Variants in SYNRG observed in about 807,000 individuals in gnomAD.
SYNRG encodes synergin gamma, also known as AP1 gamma subunit binding protein 1.
SYNRG carries 37 observed loss-of-function variants against 130.9 expected under a neutral mutation model. The ratio of observed to expected loss-of-function variants is 0.28; its 90% CI spans 0.22 to 0.37. The LOEUF is 0.37. Among genes scored for constraint, SYNRG ranks in the 10% least tolerant of loss-of-function variants. The pLI, the probability that SYNRG is intolerant of heterozygous loss-of-function variation, is 1.00. For synonymous variants in SYNRG, 539 were observed against 568.1 expected, an observed-to-expected ratio of 0.95 and a Z score of 0.73; for missense variants, 1,338 against 1,588.9, an observed-to-expected ratio of 0.84 and a Z score of 2.68.
At chr17:37,557,962 A>G (rs1276313736) in intron 13 of SYNRG, among the ~76,000 whole-genome samples, 2 of 152,252 alleles carry the variant, frequency 1.3e-5, no homozygotes, top group Non-Finnish European at 2.9e-5. Context: ...CATTAATACC[A>G]TATTACACAA....
chr17:37,606,638 T>TC (rs1322472634), intron 1 of SYNRG, among the ~76,000 whole-genome samples: 2 of 152,182 alleles, frequency 1.3e-5, no homozygotes, highest in African/African-American at 4.8e-5. Flanking sequence ...CTTTTTTTTT[T>TC]CTGCCTTGAT....
intron 9 of SYNRG, among the ~76,000 whole-genome samples, chr17:37,571,308 G>C (rs150915472): frequency 3.9e-5 from 6 of 152,194 alleles, no homozygotes; most frequent in Admixed American, 3.9e-4. Context: ...TAGGCCAGGC[G>C]TGGTGGCTCA....
intron 4 of SYNRG, among the ~76,000 whole-genome samples, chr17:37,585,836 T>C (rs749481624): frequency 6.6e-6 from 1 of 152,210 alleles, no homozygotes; most frequent in Non-Finnish European, 1.5e-5. Flanking sequence ...AGCCTGCCTT[T>C]GGGTCCAGGC....
chr17:37,578,330 C>CAA (rs549982569), intron 6 of SYNRG, among the ~76,000 whole-genome samples: 5 of 120,228 alleles, frequency 4.2e-5, no homozygotes, highest in Non-Finnish European at 7.1e-5. Flanking sequence ...GACTCTGTCT[C>CAA]AAAAAAAAAA....
Position 37,586,677 on chromosome 17 carries a change from AAG to A in SYNRG, c.241-130_241-129del, listed in dbSNP as rs2061716641. On this transcript the variant is annotated intron_variant, in intron 3 of 21. Coordinates refer to ENST00000612223, the MANE Select transcript of SYNRG (RefSeq NM_007247.6). The stretch of plus-strand genomic sequence containing the variant: ...AAAAAATAGAAATATATTGGATTAA[AAG>A]ATGCAAAGATGCAAATAAATAAAAG... 2 of 977,962 alleles carry A rather than the reference AAG, an allele frequency of 2.0e-6. 1 individual carries two copies. Among genetic ancestry groups the A allele is most frequent in the Middle Eastern group, 5.3e-4 (2 of 3,802 alleles). 60.6% of individuals were successfully genotyped at this position (977,962 alleles called of 1,614,324 possible). A position where few individuals can be genotyped will look rare whatever the true frequency, so the allele number is the denominator to read the frequency against.
intron 4 of SYNRG, 44 bp from the exon 5 acceptor site, chr17:37,585,474 T>G: frequency 2.2e-5 from 28 of 1,290,224 alleles, no homozygotes; most frequent in Non-Finnish European, 2.8e-5. Context: ...CCCGGGATTA[T>G]ACACTGTGTT....
At chr17:37,529,388 T>C (rs575229271) in intron 19 of SYNRG, among the ~76,000 whole-genome samples, 1 of 152,010 alleles carries the variant, frequency 6.6e-6, no homozygotes, top group African/African-American at 2.4e-5. Context: ...AGGGTGATGA[T>C]TGGGAAGGTG....
intron 3 of SYNRG, 50 bp downstream of exon 3, chr17:37,596,173 C>T (rs775223157): frequency 1.7e-5 from 27 of 1,595,830 alleles, no homozygotes; most frequent in Non-Finnish European, 2.2e-5. Context: ...GATATATAAA[C>T]GTAACAACAA....
chr17:37,591,213 C>A (rs75905135), intron 3 of SYNRG, among the ~76,000 whole-genome samples: 1 of 152,106 alleles, frequency 6.6e-6, no homozygotes, highest in East Asian at 1.9e-4. Flanking sequence ...ATTTAAAAAA[C>A]GCCATTATAA....
In SYNRG at chr17:37,589,145, C is replaced by T. The variant is rs534114833; in HGVS notation, c.241-2596G>A. On this transcript the variant is annotated intron_variant, in intron 3 of 21. Coordinates refer to ENST00000612223, the MANE Select transcript of SYNRG (RefSeq NM_007247.6). ...CAATAAGTTGAGAAGTATAGTATGACAGTTAAGACTAAAAGAGTAAAAGTG... is the reference window on the plus strand; with the variant it reads ...CAATAAGTTGAGAAGTATAGTATGATAGTTAAGACTAAAAGAGTAAAAGTG... 4.3e-4 allele frequency among the ~76,000 whole-genome samples: 65 copies of T among 152,282 alleles called. No homozygotes were observed. The South Asian group carries it at 0.01, about 24-fold the overall frequency.
chr17:37,529,852 C>T (rs1337511035), intron 19 of SYNRG: 3 of 1,551,444 alleles, frequency 1.9e-6, no homozygotes, highest in East Asian at 2.4e-5. Context: ...CCCAGCAGCA[C>T]TAGGAGAGAA....
intron 14 of SYNRG, among the ~76,000 whole-genome samples, chr17:37,550,026 T>A (rs1298049483): frequency 6.6e-6 from 1 of 152,216 alleles, no homozygotes; most frequent in Non-Finnish European, 1.5e-5. Context: ...CATTTCAATA[T>A]TATTTGATGA....
chr17:37,543,548 TGAG>T (rs2057978095), intron 14 of SYNRG, among the ~76,000 whole-genome samples: 1 of 152,098 alleles, frequency 6.6e-6, no homozygotes, highest in Non-Finnish European at 1.5e-5. Context: ...ATCAGTAAAA[TGAG>T]GAGAGGAGAA....
chr17:37,560,481 C>A (rs2059442634), intron 13 of SYNRG, among the ~76,000 whole-genome samples: 6 of 151,472 alleles, frequency 4.0e-5, no homozygotes, highest in Admixed American at 3.3e-4. Context: ...GGACTACAGG[C>A]ATGTGCTACC....
intron 6 of SYNRG, among the ~76,000 whole-genome samples, chr17:37,583,046 A>C (rs1483893656): frequency 4.6e-5 from 7 of 150,844 alleles, no homozygotes; most frequent in Non-Finnish European, 7.4e-5. Flanking sequence ...GCTGGAGTGC[A>C]GTGGCGCAGT....
Position 37,572,512 on chromosome 17 carries a change from A to G in SYNRG, c.902-525T>C, listed in dbSNP as rs184789734. The stretch of plus-strand genomic sequence containing the variant: ...TTAAGAGTCTGAAGTTTGGTACTAA[A>G]GATAAAATTTAGGGCTAGAGGTAAG... On this transcript the variant is annotated intron_variant, in intron 8 of 21. Coordinates refer to ENST00000612223, the MANE Select transcript of SYNRG (RefSeq NM_007247.6). Among the ~76,000 whole-genome samples, 172 of 152,366 alleles carry G rather than the reference A, an allele frequency of 1.1e-3. 1 individual carries two copies. Among genetic ancestry groups the G allele is most frequent in the Middle Eastern group, 6.8e-3 (2 of 294 alleles).
At chr17:37,523,257 G>GAT (rs2055372255) in intron 19 of SYNRG, among the ~76,000 whole-genome samples, 1 of 152,034 alleles carries the variant, frequency 6.6e-6, no homozygotes, top group South Asian at 2.1e-4. Flanking sequence ...AAACTCTTGG[G>GAT]ATCAAGCAAT....
In SYNRG at chr17:37,515,558, A is replaced by C. The variant is rs1427551293; in HGVS notation, c.*3382T>G. 6.6e-6 allele frequency: 1 copy of C among 152,334 alleles called. No homozygotes were observed. 9.4% of individuals were successfully genotyped at this position (152,334 alleles called of 1,614,324 possible). ...ACTGCAACCTCCGCCTCTCTGGTTC[A>C]AGCAATTCTCCTGCCTCAGCCTCCC... On this transcript the variant is annotated 3_prime_UTR_variant, in exon 22 of 22. Coordinates refer to ENST00000612223, the MANE Select transcript of SYNRG (RefSeq NM_007247.6).
In SYNRG at chr17:37,540,491, A is replaced by C. The variant is rs749290999; in HGVS notation, c.3255T>G (p.Ser1085=). 3 of 1,614,044 alleles carry C rather than the reference A, an allele frequency of 1.9e-6. No individual in the cohort carries two copies. The South Asian group carries it at 3.3e-5, about 18-fold the overall frequency. Residue 1085 remains serine, a synonymous_variant, in exon 16 of 22, where the codon TCT becomes TCG. Coordinates refer to ENST00000612223, the MANE Select transcript of SYNRG (RefSeq NM_007247.6). The part of the protein sequence containing the change: ...SLGDKEISRS[S]PSPALEQPFR... ...AAGGCTGCTCCAAAGCTGGAGAAGG[A>C]GAAGAACGGCTTATTTCTTTATCAC... is the stretch of plus-strand genomic sequence containing the variant.
Sources: gnomAD v4.1 joint callset for allele counts (sites outside exome capture counted in the v4.1 genomes callset) on GRCh38, gnomAD v4.1.1 for gene constraint, MANE v1.5 for transcripts, NCBI Gene and HGNC (gene_info 2026-07-23, HGNC 2026-07-21) for gene names.